The following PXDNL variants were observed in gnomAD, a reference collection of about 807,000 sequenced individuals.
PXDNL encodes the protein peroxidasin like.
PXDNL carries 145 observed loss-of-function variants against 150.8 expected under a neutral mutation model. The ratio of observed to expected loss-of-function variants is 0.96; its 90% confidence interval spans 0.84 to 1.10. PXDNL has a LOEUF of 1.10. PXDNL is among the 50% of genes least tolerant of loss of function. The probability of loss-of-function intolerance (pLI) is 0.00; values close to 1 mark genes in which losing one functional copy is unlikely to be tolerated. For synonymous variants in PXDNL, 757 were observed against 725.7 expected (o/e 1.04, Z -0.69); for missense variants, 2,087 against 1,873.9 (o/e 1.11, Z -2.10).
rs141051777 is a variant in PXDNL, at chr8:51,628,591, A to C, written c.236+26098T>G. Among the ~76,000 whole-genome samples the C allele has an allele frequency of 1.7e-3, 253 of 151,060 alleles. 2 individuals carry two copies. The highest frequency in any genetic ancestry group is 5.9e-3 in the African/African-American group (243 of 41,222). On this transcript the variant is annotated intron_variant, in intron 2 of 22. Transcript: ENST00000356297. ...CAGCTAATTTTTATATTTTTAGTAGAGATGGGGTTTCACCATGTAGGCAGG... is the reference window on the plus strand; with the variant it reads ...CAGCTAATTTTTATATTTTTAGTAGCGATGGGGTTTCACCATGTAGGCAGG...
At chr8:51,602,805 TCTA>T (rs1189639143) in intron 2 of PXDNL, among the ~76,000 whole-genome samples, 1 of 151,712 alleles carries the variant, frequency 6.6e-6, no homozygotes, top group African/African-American at 2.4e-5. Context: ...TTATGTAATT[TCTA>T]CTTTTAGCTT....
chr8:51,356,943 A>G (rs1192152100), intron 19 of PXDNL, among the ~76,000 whole-genome samples: 1 of 152,156 alleles, frequency 6.6e-6, no homozygotes, highest in Non-Finnish European at 1.5e-5. Flanking sequence ...TCTGCTGGCT[A>G]AAAGAACAAA....
At chr8:51,657,691 G>A (rs1815180493) in intron 1 of PXDNL, among the ~76,000 whole-genome samples, 1 of 152,196 alleles carries the variant, frequency 6.6e-6, no homozygotes, top group South Asian at 2.1e-4. Flanking sequence ...TGTACAAAAT[G>A]ATGCCATTGC....
chr8:51,480,167 T>C (rs1167204665), intron 6 of PXDNL, among the ~76,000 whole-genome samples: 1 of 152,182 alleles, frequency 6.6e-6, no homozygotes, highest in Non-Finnish European at 1.5e-5. Flanking sequence ...GACCTGTGTC[T>C]AGGAACACAA....
At chr8:51,469,182 G>A (rs10096597) in intron 8 of PXDNL, among the ~76,000 whole-genome samples, 5 of 151,736 alleles carry the variant, frequency 3.3e-5, no homozygotes, top group East Asian at 3.9e-4. Context: ...TTTCATTGTC[G>A]TCTGTCTGAT....
intron 1 of PXDNL, among the ~76,000 whole-genome samples, chr8:51,661,010 C>G (rs971820287): frequency 1.3e-5 from 2 of 152,206 alleles, no homozygotes; most frequent in Non-Finnish European, 2.9e-5. Flanking sequence ...GCCGCACTGC[C>G]CGGCCTTGGA....
chr8:51,340,606 A>G (rs1449559398), intron 20 of PXDNL, among the ~76,000 whole-genome samples: 5 of 152,232 alleles, frequency 3.3e-5, no homozygotes, highest in Admixed American at 3.3e-4. Flanking sequence ...GAAACAGTAC[A>G]TTCTATGAGC....
chr8:51,619,652 A>G (rs774462966), intron 2 of PXDNL, among the ~76,000 whole-genome samples: 1 of 152,164 alleles, frequency 6.6e-6, no homozygotes, highest in East Asian at 1.9e-4. Context: ...CATGTAAGGC[A>G]TGCCTTCTCC....
chr8:51,401,127 A>G (rs1315292214), intron 17 of PXDNL, among the ~76,000 whole-genome samples: 1 of 152,210 alleles, frequency 6.6e-6, no homozygotes, highest in African/African-American at 2.4e-5. Flanking sequence ...TTCAACTAAT[A>G]TGTTCTCTAG....
At chr8:51,725,433 C>T (rs1387282386) in intron 1 of PXDNL, among the ~76,000 whole-genome samples, 2 of 152,170 alleles carry the variant, frequency 1.3e-5, no homozygotes, top group African/African-American at 4.8e-5. Flanking sequence ...TTTTTGTAAA[C>T]GTGTTTCTAA....
intron 1 of PXDNL, among the ~76,000 whole-genome samples, chr8:51,699,549 C>T (rs971499099): frequency 1.3e-5 from 2 of 152,198 alleles, no homozygotes; most frequent in African/African-American, 4.8e-5. Flanking sequence ...CATGTGTTCA[C>T]TGGAGTAGCA....
At chr8:51,401,155 G>T (rs2130863286) in intron 17 of PXDNL, among the ~76,000 whole-genome samples, 2 of 152,260 alleles carry the variant, frequency 1.3e-5, no homozygotes, top group East Asian at 3.9e-4. Flanking sequence ...GAAATACTGT[G>T]CAATGAAAAT....
chr8:51,570,977 C>G (rs1284067909), intron 3 of PXDNL, among the ~76,000 whole-genome samples: 1 of 151,680 alleles, frequency 6.6e-6, no homozygotes, highest in African/African-American at 2.4e-5. Context: ...CTCCTATATC[C>G]TAAAACTATG....
rs1345711754 is a variant in PXDNL, at chr8:51,457,525, C to A, written c.955G>T (p.Ala319Ser). The change falls in exon 9 of 23, where the codon GCC (alanine) becomes TCC (serine). Residue 319 changes from alanine (A) to serine (S), a missense_variant. Ala to Ser is a moderately conservative substitution (Grantham distance 99). Transcript: ENST00000356297. The stretch of plus-strand genomic sequence containing the variant: ...GGAAGACTGGAGTATCTGAGCATGG[C>A]ACTCTGTGTCTTGGCTTCCCCAGCG... The part of the protein sequence containing the change: ...NSAGEAKTQS[A>S]MLRYSSLPAK... The A allele has an allele frequency of 3.1e-6, 5 of 1,612,704 alleles. No individual in the cohort carries two copies. Among genetic ancestry groups the A allele is most frequent in the Non-Finnish European group, 4.2e-6 (5 of 1,179,366 alleles).
At chr8:51,735,545 T>TTTTG (rs1554510832) in intron 1 of PXDNL, among the ~76,000 whole-genome samples, 1 of 115,694 alleles carries the variant, frequency 8.6e-6, no homozygotes, top group African/African-American at 3.7e-5. Context: ...TTTTTTTTTT[T>TTTTG]TTTTTTTTTT....
chr8:51,635,667 T>C (rs1363049719), intron 2 of PXDNL, among the ~76,000 whole-genome samples: 1 of 151,544 alleles, frequency 6.6e-6, no homozygotes, highest in Non-Finnish European at 1.5e-5. Context: ...AAGCAGAAAA[T>C]CTGAGTGGGG....
At chr8:51,548,213 T>C (rs1325687347) in intron 4 of PXDNL, among the ~76,000 whole-genome samples, 2 of 151,990 alleles carry the variant, frequency 1.3e-5, no homozygotes, top group East Asian at 3.9e-4. Context: ...AACCAAACAT[T>C]AGAATAATTG....
intron 10 of PXDNL, among the ~76,000 whole-genome samples, chr8:51,449,391 T>C (rs1809753880): frequency 6.6e-6 from 1 of 152,214 alleles, no homozygotes; most frequent in Non-Finnish European, 1.5e-5. Context: ...TTTCCCATGA[T>C]TGAATCATAT....
At chr8:51,361,299 A>G (rs892265962) in intron 19 of PXDNL, among the ~76,000 whole-genome samples, 2 of 152,230 alleles carry the variant, frequency 1.3e-5, no homozygotes, top group Non-Finnish European at 2.9e-5. Context: ...TCAGACAGAA[A>G]CTGATAATAA....
Sources: allele counts gnomAD v4.1 joint callset (sites outside exome capture counted in the v4.1 genomes callset), GRCh38; gene constraint gnomAD v4.1.1; transcripts MANE v1.5; gene names NCBI Gene and HGNC (gene_info 2026-07-23, HGNC 2026-07-21).